The following CNMD variants were observed in gnomAD, a reference collection of about 807,000 sequenced individuals.
CNMD encodes the protein chondromodulin.
A neutral mutation model predicts 37.5 loss-of-function variants in CNMD; 30 were observed. The ratio of observed to expected loss-of-function variants is 0.80; its 90% confidence interval spans 0.60 to 1.09. The LOEUF (loss-of-function observed/expected upper bound fraction) is 1.09, where lower values mean the gene tolerates loss of function less well. CNMD is among the 50% of genes least tolerant of loss of function. The pLI is 0.00. For synonymous variants in CNMD, 167 were observed against 148.2 expected (o/e 1.13, Z -0.92); for missense variants, 398 against 423.9 (o/e 0.94, Z 0.54).
chr13:52,731,731 G>T (rs960448300), intron 3 of CNMD, among the ~76,000 whole-genome samples: 2 of 152,190 alleles, frequency 1.3e-5, no homozygotes, highest in Admixed American at 1.3e-4. Context: ...ATTCGTCTTT[G>T]TAGCTCCCTT....
intron 4 of CNMD, among the ~76,000 whole-genome samples, chr13:52,719,894 T>A (rs1045979003): frequency 6.6e-6 from 1 of 152,212 alleles, no homozygotes; most frequent in Non-Finnish European, 1.5e-5. Flanking sequence ...TTGGGGAAGT[T>A]CTCCTGGATA....
At chr13:52,723,321 GGGCTTAAATGAA>G (rs1346784605) in intron 4 of CNMD, among the ~76,000 whole-genome samples, 2 of 152,054 alleles carry the variant, frequency 1.3e-5, no homozygotes, top group Non-Finnish European at 1.5e-5. Flanking sequence ...TGGAATTCCT[GGGCTTAAATGAA>G]CTGCCCACCT....
chr13:52,733,128 G>A, intron 3 of CNMD, 91 bp downstream of exon 3: 1 of 1,246,102 alleles, frequency 8.0e-7, no homozygotes. Flanking sequence ...TTACCATTTG[G>A]ATGTGTGTGA....
intron 3 of CNMD, among the ~76,000 whole-genome samples, chr13:52,725,004 G>A (rs1964549248): frequency 6.6e-6 from 1 of 152,234 alleles, no homozygotes; most frequent in African/African-American, 2.4e-5. Context: ...AGACAGCATA[G>A]TCAGGGGAGG....
rs1474386435 is a variant in CNMD, at chr13:52,713,296, T to C, written c.469-427A>G. On this transcript the variant is annotated intron_variant, in intron 4 of 6. Coordinates refer to ENST00000377962, the MANE Select transcript of CNMD (RefSeq NM_007015.3). Reference sequence around the variant, plus strand: ...TTGTTCTGCAGCTTCTGAACAACAATGGAAAAAGCAAGTGATTGGTTCTTT... The same window carrying C: ...TTGTTCTGCAGCTTCTGAACAACAACGGAAAAAGCAAGTGATTGGTTCTTT... Among the ~76,000 whole-genome samples, 3 of 152,334 alleles carry C rather than the reference T, an allele frequency of 2.0e-5. No homozygotes were observed. In the East Asian group the frequency reaches 5.8e-4, roughly 29 times the overall value.
intron 6 of CNMD, among the ~76,000 whole-genome samples, chr13:52,706,723 AAG>A (rs1491537009): frequency 3.0e-5 from 1 of 33,404 alleles, no homozygotes; most frequent in Non-Finnish European, 6.1e-5. Flanking sequence ...TTTGTGTTAA[AAG>A]TGTGTGTGTG....
chr13:52,732,398 G>A (rs938270684), intron 3 of CNMD, among the ~76,000 whole-genome samples: 1 of 152,198 alleles, frequency 6.6e-6, no homozygotes, highest in Non-Finnish European at 1.5e-5. Context: ...GTTTGCAGAT[G>A]TACACCGAAA....
intron 6 of CNMD, among the ~76,000 whole-genome samples, chr13:52,706,448 T>C (rs1254041554): frequency 1.3e-5 from 2 of 152,244 alleles, no homozygotes; most frequent in Non-Finnish European, 2.9e-5. Flanking sequence ...TCAAGCCCTG[T>C]GCTAAAAGAG....
Position 52,712,753 on chromosome 13 carries a change from G to T in CNMD, c.585C>A (p.Asp195Glu). Residue 195 changes from aspartate to glutamate, a missense_variant, in exon 5 of 7, where the codon GAC becomes GAA. Transcript: ENST00000377962. ...LSSKVLELCG[D>E]LPIFWLKPTY... Reference sequence around the variant, plus strand: ...TTGGTTTAAGCCAGAAAATAGGAAGGTCACCGCAGAGTTCTAACACCTTAG... The same window carrying T: ...TTGGTTTAAGCCAGAAAATAGGAAGTTCACCGCAGAGTTCTAACACCTTAG... 6.5e-7 allele frequency: 1 copy of T among 1,546,614 alleles called. No individual in the cohort carries two copies. Among genetic ancestry groups the T allele is most frequent in the Non-Finnish European group, 8.7e-7 (1 of 1,146,070 alleles).
intron 5 of CNMD, 90 bp from the exon 6 acceptor site, chr13:52,708,792 A>C: frequency 8.8e-7 from 1 of 1,140,960 alleles, no homozygotes; most frequent in Admixed American, 2.4e-5. Context: ...TAAGAAAAGG[A>C]TATCAAAATT....
Position 52,703,803 on chromosome 13 carries a change from T to C in CNMD, c.797A>G (p.Glu266Gly). 1 of 1,607,736 alleles carries C rather than the reference T, an allele frequency of 6.2e-7. No individual in the cohort carries two copies. Among genetic ancestry groups the C allele is most frequent in the Middle Eastern group, 1.7e-4 (1 of 6,044 alleles). Residue 266 changes from glutamate (E) to glycine (G), a missense_variant, in exon 7 of 7, where the codon GAA (glutamate) becomes GGA (glycine). Glu to Gly is a moderately conservative substitution (Grantham distance 98, BLOSUM62 -2). Transcript: ENST00000377962. ...AGGGTCGAATGTCATGCTTTCCCCT[T>C]CCTGCTGCTGTGAAATAAAAGATAA... The part of the protein sequence containing the change: ...FNPDNPYHQQ[E>G]GESMTFDPRL...
chr13:52,703,818 A>G lies in CNMD; in HGVS notation c.790-8T>C. ...GCTTTCCCCTTCCTGCTGCTGTGAA[A>G]TAAAAGATAATTATTTGTGATAACT... On this transcript the variant is annotated splice_region_variant and splice_polypyrimidine_tract_variant and intron_variant, in intron 6 of 6. Transcript: ENST00000377962. 1.9e-6 allele frequency: 3 copies of G among 1,603,826 alleles called. No individual in the cohort carries two copies. Among genetic ancestry groups the G allele is most frequent in the Non-Finnish European group, 2.6e-6 (3 of 1,171,052 alleles).
chr13:52,723,049 C>T (rs535194991), intron 4 of CNMD, among the ~76,000 whole-genome samples: 2 of 152,144 alleles, frequency 1.3e-5, no homozygotes, highest in South Asian at 2.1e-4. Context: ...TTAATGAAGA[C>T]CCTGTCTTGT....
chr13:52,730,436 C>A (rs564687515), intron 3 of CNMD, among the ~76,000 whole-genome samples: 1 of 152,012 alleles, frequency 6.6e-6, no homozygotes, highest in African/African-American at 2.4e-5. Flanking sequence ...TACAGTCCCA[C>A]CAACAGTGTA....
At position 52,707,937 on chromosome 13, in the gene CNMD, G is replaced by A. The variant is rs1391339332; in HGVS notation, c.789+599C>T. ...AGCCTGCCCAACATGGTGAAACCCT[G>A]TCTCTACTAAAAAAAAAAATACAAA... On this transcript the variant is annotated intron_variant, in intron 6 of 6. Transcript: ENST00000377962. 2.0e-5 allele frequency among the ~76,000 whole-genome samples: 3 copies of A among 151,560 alleles called. No individual in the cohort carries two copies. In the East Asian group the frequency reaches 5.9e-4, roughly 30 times the overall value.
chr13:52,727,875 G>A (rs1964601634), intron 3 of CNMD, among the ~76,000 whole-genome samples: 1 of 152,122 alleles, frequency 6.6e-6, no homozygotes, highest in African/African-American at 2.4e-5. Context: ...GAAGAAATAA[G>A]TTCTAATGTT....
chr13:52,731,160 T>C (rs1302787017), intron 3 of CNMD, among the ~76,000 whole-genome samples: 1 of 152,212 alleles, frequency 6.6e-6, no homozygotes, highest in Non-Finnish European at 1.5e-5. Context: ...CTGCAAGACC[T>C]GCCCCAGTCC....
intron 6 of CNMD, among the ~76,000 whole-genome samples, chr13:52,707,638 A>C (rs1369503349): frequency 6.6e-6 from 1 of 152,098 alleles, no homozygotes; most frequent in Non-Finnish European, 1.5e-5. Flanking sequence ...TCCAGGGAGC[A>C]CTCTAGGAAA....
intron 5 of CNMD, among the ~76,000 whole-genome samples, chr13:52,710,213 G>C (rs1382122113): frequency 1.3e-5 from 2 of 152,166 alleles, no homozygotes; most frequent in African/African-American, 2.4e-5. Flanking sequence ...GCCATTGGTA[G>C]CTTCCACAGA....
Sources: allele counts gnomAD v4.1 joint callset (sites outside exome capture counted in the v4.1 genomes callset), GRCh38; gene constraint gnomAD v4.1.1; transcripts MANE v1.5; gene names NCBI Gene and HGNC (gene_info 2026-07-23, HGNC 2026-07-21).